The following LRRC4C variants were observed in gnomAD, a reference collection of about 807,000 sequenced individuals.
LRRC4C encodes leucine rich repeat containing 4C.
LRRC4C carries 5 observed loss-of-function variants against 33.6 expected under a neutral mutation model. That is an observed-to-expected ratio of 0.15 (90% CI 0.08 to 0.31). The LOEUF (loss-of-function observed/expected upper bound fraction) is 0.31, where lower values mean the gene tolerates loss of function less well. Among genes scored for constraint, LRRC4C ranks in the 10% least tolerant of loss-of-function variants. LRRC4C has a pLI of 1.00. For synonymous variants in LRRC4C, 329 were observed against 302.0 expected, an observed-to-expected ratio of 1.09 and a Z score of -0.93; for missense variants, 560 against 796.7, an observed-to-expected ratio of 0.70 and a Z score of 3.58.
intron 3 of LRRC4C, among the ~76,000 whole-genome samples, chr11:40,573,844 A>G (rs902753720): frequency 7.2e-5 from 11 of 152,216 alleles, no homozygotes; most frequent in Middle Eastern, 3.2e-3. Flanking sequence ...AAATGTGGGT[A>G]GACTACAGTC....
intron 1 of LRRC4C, among the ~76,000 whole-genome samples, chr11:41,206,472 C>T (rs1201306573): frequency 6.6e-6 from 1 of 152,176 alleles, no homozygotes; most frequent in African/African-American, 2.4e-5. Context: ...TTGCAGCATC[C>T]TCTGAAAGCT....
intron 3 of LRRC4C, among the ~76,000 whole-genome samples, chr11:40,608,812 C>T (rs1207943407): frequency 1.3e-5 from 2 of 152,016 alleles, no homozygotes; most frequent in Non-Finnish European, 2.9e-5. Flanking sequence ...ACTTTAAATC[C>T]AAAATGACAC....
intron 3 of LRRC4C, among the ~76,000 whole-genome samples, chr11:40,629,684 T>C (rs781321729): frequency 2.3e-4 from 35 of 152,198 alleles, no homozygotes; most frequent in Non-Finnish European, 3.7e-4. Flanking sequence ...GAATGTAGAT[T>C]TCCCATTCAT....
chr11:40,784,643 G>A (rs1415631402), intron 2 of LRRC4C, among the ~76,000 whole-genome samples: 1 of 152,106 alleles, frequency 6.6e-6, no homozygotes, highest in Non-Finnish European at 1.5e-5. Flanking sequence ...TTTTGTTACA[G>A]AAATATATGT....
chr11:40,553,269 C>T (rs866998063), intron 3 of LRRC4C, among the ~76,000 whole-genome samples: 1 of 119,034 alleles, frequency 8.4e-6, no homozygotes, highest in Non-Finnish European at 1.8e-5. Context: ...GAGACTCTGT[C>T]TAAAAAACAA....
At chr11:40,644,489 C>G (rs760765583) in intron 3 of LRRC4C, among the ~76,000 whole-genome samples, 1 of 152,136 alleles carries the variant, frequency 6.6e-6, no homozygotes, top group Non-Finnish European at 1.5e-5. Flanking sequence ...TAGTGAATTT[C>G]TTTATAATAG....
intron 3 of LRRC4C, among the ~76,000 whole-genome samples, chr11:40,423,640 G>A (rs375882851): frequency 2.6e-5 from 4 of 152,098 alleles, no homozygotes; most frequent in South Asian, 2.1e-4. Context: ...CACCGCGTCC[G>A]GCTGTTCATG....
At chr11:40,674,046 T>C (rs536991499) in intron 2 of LRRC4C, among the ~76,000 whole-genome samples, 138 of 152,336 alleles carry the variant, frequency 9.1e-4, no homozygotes, top group African/African-American at 3.2e-3. Context: ...AGCATATCTC[T>C]GGTCTCACAT....
intron 3 of LRRC4C, among the ~76,000 whole-genome samples, chr11:40,349,805 G>C (rs1405234199): frequency 6.6e-6 from 1 of 151,992 alleles, no homozygotes; most frequent in African/African-American, 2.4e-5. Context: ...ATTTCGATTT[G>C]CATTTCTCTG....
chr11:40,311,900 G>A (rs370533097), intron 4 of LRRC4C, among the ~76,000 whole-genome samples: 1 of 145,422 alleles, frequency 6.9e-6, no homozygotes, highest in Non-Finnish European at 1.5e-5. Flanking sequence ...AGCCAAGATC[G>A]TGCCACTGCA....
chr11:41,217,966 T>C (rs1161515113), intron 1 of LRRC4C, among the ~76,000 whole-genome samples: 1 of 152,204 alleles, frequency 6.6e-6, no homozygotes, highest in Non-Finnish European at 1.5e-5. Flanking sequence ...TGAATTCCAC[T>C]TAGCCTGCAA....
At chr11:41,280,211 G>T (rs1181783053) in intron 1 of LRRC4C, among the ~76,000 whole-genome samples, 1 of 152,180 alleles carries the variant, frequency 6.6e-6, no homozygotes, top group African/African-American at 2.4e-5. Flanking sequence ...GTTTCTGAGA[G>T]CGTTGGAGAC....
At chr11:40,755,280 A>G (rs553176579) in intron 2 of LRRC4C, among the ~76,000 whole-genome samples, 1 of 152,184 alleles carries the variant, frequency 6.6e-6, no homozygotes, top group South Asian at 2.1e-4. Context: ...GAGCTCTTTT[A>G]CTTATTAACT....
chr11:41,094,349 C>A (rs995172661), intron 1 of LRRC4C, among the ~76,000 whole-genome samples: 3 of 151,664 alleles, frequency 2.0e-5, no homozygotes, highest in Non-Finnish European at 2.9e-5. Flanking sequence ...CACGGTGAAA[C>A]CCCGTCTCTA....
chr11:40,798,351 C>T (rs565141134), intron 2 of LRRC4C, among the ~76,000 whole-genome samples: 304 of 152,274 alleles, frequency 2.0e-3, no homozygotes, highest in African/African-American at 7.0e-3. Context: ...CATACACACA[C>T]ATTTTTTATA....
intron 3 of LRRC4C, among the ~76,000 whole-genome samples, chr11:40,574,955 A>C (rs1958128096): frequency 6.6e-6 from 1 of 152,116 alleles, no homozygotes; most frequent in Non-Finnish European, 1.5e-5. Context: ...TGTTGTCTAA[A>C]AGGGCGGTAA....
At chr11:41,419,744 A>G (rs1954811060) in intron 1 of LRRC4C, among the ~76,000 whole-genome samples, 1 of 152,040 alleles carries the variant, frequency 6.6e-6, no homozygotes, top group Non-Finnish European at 1.5e-5. Context: ...TTACTGATGT[A>G]CCACATGCAA....
intron 1 of LRRC4C, among the ~76,000 whole-genome samples, chr11:41,123,256 G>GTTTTTTTTTTTTTTTTT (rs1456350828): frequency 6.5e-5 from 7 of 107,150 alleles, no homozygotes; most frequent in East Asian, 2.7e-4. Context: ...CCTGAGCTAT[G>GTTTTTTTTTTTTTTTTT]TTTTGTTTTT....
intron 1 of LRRC4C, among the ~76,000 whole-genome samples, chr11:40,979,407 T>A (rs1852340233): frequency 6.6e-6 from 1 of 152,214 alleles, no homozygotes; most frequent in African/African-American, 2.4e-5. Context: ...TTAGAATACC[T>A]TTCATCAAGA....
Sources: gnomAD v4.1 joint callset for allele counts (sites outside exome capture counted in the v4.1 genomes callset) on GRCh38, gnomAD v4.1.1 for gene constraint, MANE v1.5 for transcripts, NCBI Gene and HGNC (gene_info 2026-07-23, HGNC 2026-07-21) for gene names.